The following MAGI1 variants were observed in gnomAD, a reference collection of about 807,000 sequenced individuals.
MAGI1 encodes membrane associated guanylate kinase, WW and PDZ domain containing 1.
MAGI1 carries 58 observed loss-of-function variants against 139.9 expected under a neutral mutation model. The observed-to-expected ratio is 0.41, with a 90% CI of 0.34 to 0.52. MAGI1 has a LOEUF of 0.52. Ranked by LOEUF, MAGI1 falls within the 20% of genes least tolerant of loss-of-function variation. The probability of loss-of-function intolerance (pLI) is 0.12; values close to 1 mark genes in which losing one functional copy is unlikely to be tolerated. For synonymous variants in MAGI1, 812 were observed against 737.9 expected, an observed-to-expected ratio of 1.10 and a Z score of -1.63; for missense variants, 1,874 against 1,901.6, an observed-to-expected ratio of 0.99 and a Z score of 0.27.
At chr3:65,378,115 C>T (rs1348539723) in intron 17 of MAGI1, among the ~76,000 whole-genome samples, 3 of 152,088 alleles carry the variant, frequency 2.0e-5, no homozygotes, top group South Asian at 4.1e-4. Context: ...GACTTTTTAC[C>T]CAATCAGGAA....
chr3:65,537,813 T>C (rs2079030274), intron 2 of MAGI1, among the ~76,000 whole-genome samples: 1 of 152,164 alleles, frequency 6.6e-6, no homozygotes, highest in Admixed American at 6.5e-5. Flanking sequence ...AGAAAGATTA[T>C]GAAGATAATT....
chr3:65,531,153 G>A (rs566397563), intron 2 of MAGI1, among the ~76,000 whole-genome samples: 10 of 151,096 alleles, frequency 6.6e-5, no homozygotes, highest in African/African-American at 2.4e-4. Flanking sequence ...AATTCTCTCA[G>A]GACACAAAAA....
At chr3:65,523,834 A>G (rs1270523367) in intron 2 of MAGI1, among the ~76,000 whole-genome samples, 4 of 152,324 alleles carry the variant, frequency 2.6e-5, no homozygotes, top group Admixed American at 2.0e-4. Flanking sequence ...ACAATTTTGT[A>G]TCATTTAAAA....
intron 12 of MAGI1, among the ~76,000 whole-genome samples, chr3:65,408,363 T>C (rs1323109548): frequency 1.3e-5 from 2 of 152,206 alleles, no homozygotes; most frequent in Non-Finnish European, 2.9e-5. Context: ...GGAACTGTAT[T>C]AAAGAACACA....
intron 1 of MAGI1, among the ~76,000 whole-genome samples, chr3:65,899,799 G>C (rs1374599692): frequency 6.6e-6 from 1 of 152,124 alleles, no homozygotes; most frequent in African/African-American, 2.4e-5. Flanking sequence ...TTCAAAGGGG[G>C]ATAAAGTTAA....
chr3:65,848,051 T>A (rs955785315), intron 1 of MAGI1, among the ~76,000 whole-genome samples: 1 of 152,114 alleles, frequency 6.6e-6, no homozygotes, highest in Non-Finnish European at 1.5e-5. Flanking sequence ...CCTTCCCCGA[T>A]AGAAGAACAA....
chr3:65,401,632 T>A lies in MAGI1; in HGVS notation c.2168-162A>T, dbSNP rs377253905. 1.0e-5 allele frequency: 16 copies of A among 1,549,876 alleles called. No homozygotes were observed. The East Asian group carries it at 1.7e-4, about 17-fold the overall frequency. ...CATCGGAGTTACCAGGCTGTTCATATCGAATCAAAGCAGAGGGAGGAGGAG... is the reference window on the plus strand; with the variant it reads ...CATCGGAGTTACCAGGCTGTTCATAACGAATCAAAGCAGAGGGAGGAGGAG... On this transcript the variant is annotated intron_variant, in intron 12 of 22. Transcript: ENST00000402939.
At chr3:65,853,422 T>C (rs565956061) in intron 1 of MAGI1, among the ~76,000 whole-genome samples, 1 of 152,248 alleles carries the variant, frequency 6.6e-6, no homozygotes, top group Non-Finnish European at 1.5e-5. Context: ...TTCATTCACC[T>C]ATGCATACTT....
At chr3:65,401,304 G>A (rs1575617000) in intron 13 of MAGI1, 135 bp downstream of exon 13, 2 of 1,096,230 alleles carry the variant, frequency 1.8e-6, no homozygotes, top group Admixed American at 2.4e-5. Context: ...AAGAAAATGA[G>A]CCCCGGCTCC....
intron 2 of MAGI1, among the ~76,000 whole-genome samples, chr3:65,547,865 C>G (rs903625624): frequency 6.6e-6 from 1 of 152,148 alleles, no homozygotes; most frequent in Admixed American, 6.5e-5. Flanking sequence ...CTATCCCAGA[C>G]TCAGGGCAGA....
chr3:65,491,532 G>A (rs925697431), intron 3 of MAGI1, among the ~76,000 whole-genome samples: 2 of 151,788 alleles, frequency 1.3e-5, no homozygotes, highest in African/African-American at 2.4e-5. Flanking sequence ...TATATTTGAC[G>A]ACTGAAGCCC....
At chr3:65,445,465 A>G (rs1948619284) in intron 7 of MAGI1, among the ~76,000 whole-genome samples, 1 of 152,190 alleles carries the variant, frequency 6.6e-6, no homozygotes, top group African/African-American at 2.4e-5. Flanking sequence ...GTCTCCAAAG[A>G]GCAAACATTG....
At chr3:65,995,323 T>C (rs1284848194) in intron 1 of MAGI1, among the ~76,000 whole-genome samples, 1 of 152,188 alleles carries the variant, frequency 6.6e-6, no homozygotes, top group Non-Finnish European at 1.5e-5. Flanking sequence ...AGTTCAGCAA[T>C]AGCCAATAAT....
intron 1 of MAGI1, among the ~76,000 whole-genome samples, chr3:65,731,066 C>A (rs966717615): frequency 5.4e-4 from 82 of 152,292 alleles, no homozygotes; most frequent in African/African-American, 1.9e-3. Context: ...CACCGTGCAA[C>A]AGGGCATTTC....
At chr3:65,403,323 T>C (rs1189017472) in intron 12 of MAGI1, among the ~76,000 whole-genome samples, 2 of 152,188 alleles carry the variant, frequency 1.3e-5, no homozygotes, top group Non-Finnish European at 1.5e-5. Flanking sequence ...AAAAATCATC[T>C]GCTAAGCATA....
chr3:65,418,845 T>C (rs1285899869), intron 12 of MAGI1, among the ~76,000 whole-genome samples: 1 of 151,240 alleles, frequency 6.6e-6, no homozygotes, highest in Non-Finnish European at 1.5e-5. Flanking sequence ...GTAGCCACAC[T>C]TCATGGGTCC....
intron 2 of MAGI1, among the ~76,000 whole-genome samples, chr3:65,617,513 G>A (rs776855422): frequency 6.6e-6 from 1 of 152,272 alleles, no homozygotes; most frequent in East Asian, 1.9e-4. Flanking sequence ...AAAACAAGAA[G>A]GCTATCAATG....
chr3:65,388,982 T>A (rs1453252112), intron 14 of MAGI1, among the ~76,000 whole-genome samples: 1 of 151,726 alleles, frequency 6.6e-6, no homozygotes, highest in African/African-American at 2.4e-5. Flanking sequence ...TAGCTGGGAC[T>A]ACAGGCGCAC....
At chr3:66,020,897 G>C (rs1396615800) in intron 1 of MAGI1, among the ~76,000 whole-genome samples, 2 of 152,124 alleles carry the variant, frequency 1.3e-5, no homozygotes, top group African/African-American at 4.8e-5. Flanking sequence ...CTGGGACAAT[G>C]AGCGCACTAC....
Sources: gnomAD v4.1 joint callset for allele counts (sites outside exome capture counted in the v4.1 genomes callset) on GRCh38, gnomAD v4.1.1 for gene constraint, MANE v1.5 for transcripts, NCBI Gene and HGNC (gene_info 2026-07-23, HGNC 2026-07-21) for gene names.